Variants in GPR107 observed in about 807,000 individuals in gnomAD.
GPR107 encodes the protein G protein-coupled receptor 107.
Under a neutral mutation model 75.5 loss-of-function variants are expected in GPR107, and 31 were observed. The ratio of observed to expected loss-of-function variants is 0.41; its 90% CI spans 0.31 to 0.55. The LOEUF (loss-of-function observed/expected upper bound fraction) is 0.55. GPR107 is among the 20% of genes least tolerant of loss of function. The pLI is 0.26. For missense variants in GPR107, 572 were observed against 665.7 expected (o/e 0.86, Z 1.55); for synonymous variants, 267 against 251.3 (o/e 1.06, Z -0.59).
At position 130,099,486 on chromosome 9, in the gene GPR107, TG is replaced by T; in HGVS notation, c.895del (p.Ala299ArgfsTer37). On this transcript the variant is annotated frameshift_variant, in exon 10 of 18. Coordinates refer to ENST00000347136, the MANE Select transcript of GPR107 (RefSeq NM_020960.5). LOFTEE classifies it high-confidence loss of function. ...RNDVFKIHWLMAALPFTKSLS... is the reference protein window; with the variant it reads ...RNDVFKIHWLXAALPFTKSLS... ...GATGTATTTAAAATCCACTGGCTGA[TG>T]GCGGCCCTTCCTTTCACCAAGTCTC... 1 of 1,603,204 alleles carries T rather than the reference TG, an allele frequency of 6.2e-7. No individual in the cohort carries two copies. The highest frequency in any genetic ancestry group is 8.5e-7 in the Non-Finnish European group (1 of 1,170,110).
chr9:130,089,778 C>T (rs1830691882), intron 7 of GPR107, among the ~76,000 whole-genome samples: 1 of 152,188 alleles, frequency 6.6e-6, no homozygotes, highest in African/African-American at 2.4e-5. Context: ...TTCACATTCA[C>T]CATTGAGTTT....
intron 15 of GPR107, 27 bp downstream of exon 15, chr9:130,124,991 ATCTAT>A: frequency 2.4e-5 from 28 of 1,151,292 alleles, no homozygotes; most frequent in Non-Finnish European, 3.2e-5. Flanking sequence ...AAAATCCTCA[ATCTAT>A]AAATAAAATC....
intron 14 of GPR107, among the ~76,000 whole-genome samples, chr9:130,115,762 CAAAAAAAA>C (rs765306078): frequency 5.5e-5 from 5 of 90,180 alleles, no homozygotes; most frequent in African/African-American, 4.5e-5. Context: ...GACTCCGTCT[CAAAAAAAA>C]AAAAAAAAAA....
chr9:130,130,911 C>A (rs1289451320), intron 17 of GPR107, among the ~76,000 whole-genome samples: 1 of 150,958 alleles, frequency 6.6e-6, no homozygotes, highest in South Asian at 2.1e-4. Context: ...ATCCGTGGAC[C>A]ACTTAGGCCC....
chr9:130,072,223 ATT>A (rs1204270335), intron 1 of GPR107, among the ~76,000 whole-genome samples: 21 of 135,028 alleles, frequency 1.6e-4, no homozygotes, highest in African/African-American at 4.9e-4. Flanking sequence ...TATTTATTTA[ATT>A]TTTTTTTTTT....
chr9:130,070,005 TTTTTTTA>T (rs1324473426), intron 1 of GPR107, among the ~76,000 whole-genome samples: 1,011 of 27,198 alleles, frequency 0.037, 64 homozygotes, highest in African/African-American at 0.073. Flanking sequence ...TTTTTTTTTT[TTTTTTTA>T]AATTTTTTTG....
chr9:130,066,403 A>ATGG (rs1223921491), intron 1 of GPR107, among the ~76,000 whole-genome samples: 3 of 25,994 alleles, frequency 1.2e-4, no homozygotes, highest in East Asian at 6.8e-3. Context: ...GATGATGGTG[A>ATGG]TGATGACGAC....
chr9:130,064,267 G>A (rs112194646), intron 1 of GPR107, among the ~76,000 whole-genome samples: 1 of 129,640 alleles, frequency 7.7e-6, no homozygotes. Context: ...GCGCAATCTC[G>A]GCTCACTGCA....
chr9:130,071,201 T>A (rs1422488107), intron 1 of GPR107, among the ~76,000 whole-genome samples: 1 of 151,022 alleles, frequency 6.6e-6, no homozygotes, highest in East Asian at 1.9e-4. Flanking sequence ...ATTTTTTTTT[T>A]TTTTTTTGCT....
At chr9:130,090,203 C>G (rs567661318) in intron 7 of GPR107, among the ~76,000 whole-genome samples, 6 of 152,226 alleles carry the variant, frequency 3.9e-5, no homozygotes, top group South Asian at 2.1e-4. Flanking sequence ...TAGGCTTGAC[C>G]AAGAAGTCAT....
chr9:130,082,073 A>T (rs1003620136), intron 5 of GPR107, among the ~76,000 whole-genome samples: 1 of 151,814 alleles, frequency 6.6e-6, no homozygotes, highest in Non-Finnish European at 1.5e-5. Context: ...GAGGTGCCAC[A>T]CTCTTTTAAA....
At chr9:130,116,104 A>C (rs999705238) in intron 14 of GPR107, among the ~76,000 whole-genome samples, 3 of 152,184 alleles carry the variant, frequency 2.0e-5, no homozygotes, top group African/African-American at 4.8e-5. Context: ...CTACATCCAA[A>C]AGCAGAGGTC....
In GPR107 at chr9:130,132,524, C is replaced by T. The variant is rs181826181; in HGVS notation, c.1563-2501C>T. On this transcript the variant is annotated intron_variant, in intron 17 of 17. Coordinates refer to ENST00000347136, the MANE Select transcript of GPR107 (RefSeq NM_020960.5). ...GCCGTAGGCCAGGTGCAGTGGCTCA[C>T]GCCTGTAATCCCAGCACTTTGGGAG... 2.8e-4 allele frequency among the ~76,000 whole-genome samples: 42 copies of T among 152,328 alleles called. No individual in the cohort carries two copies. In the East Asian group the frequency reaches 6.0e-3, roughly 22 times the overall value.
chr9:130,097,284 A>G (rs1351335851), intron 9 of GPR107, among the ~76,000 whole-genome samples: 1 of 150,298 alleles, frequency 6.7e-6, no homozygotes, highest in African/African-American at 2.5e-5. Flanking sequence ...CCTCCTGAGT[A>G]GCTGGGACTA....
chr9:130,057,086 G>A (rs992874945), intron 1 of GPR107, among the ~76,000 whole-genome samples: 5 of 152,000 alleles, frequency 3.3e-5, no homozygotes, highest in African/African-American at 1.2e-4. Context: ...AGCAACTTTA[G>A]ATTGTCTGTT....
intron 13 of GPR107, among the ~76,000 whole-genome samples, chr9:130,106,225 A>G (rs1831151340): frequency 6.6e-6 from 1 of 152,184 alleles, no homozygotes; most frequent in Non-Finnish European, 1.5e-5. Context: ...CCAAATGGCA[A>G]AATTCCTTAA....
chr9:130,127,279 GGA>G (rs1589531985), intron 15 of GPR107, among the ~76,000 whole-genome samples: 3 of 152,168 alleles, frequency 2.0e-5, no homozygotes. Context: ...TTGGTCACCT[GGA>G]GAGAGAGAAG....
rs1831095571 is a variant in GPR107, at chr9:130,103,807, C to G, written c.1132-613C>G. Among the ~76,000 whole-genome samples, 1 of 152,232 alleles carries G rather than the reference C, an allele frequency of 6.6e-6. No homozygotes were observed. The highest frequency in any genetic ancestry group is 2.4e-5 in the African/African-American group (1 of 41,450). On this transcript the variant is annotated intron_variant, in intron 12 of 17. Transcript: ENST00000347136. The surrounding 1 kb of genome is among the most constrained non-coding windows in gnomAD (Gnocchi z 4.3). ...CTGAAAAGCAAAGTGTCCCTGTTATCTACTGCTGCATAACAAATCACCCCA... is the reference window on the plus strand; with the variant it reads ...CTGAAAAGCAAAGTGTCCCTGTTATGTACTGCTGCATAACAAATCACCCCA...
At chr9:130,094,633 A>T (rs1485956351) in intron 9 of GPR107, among the ~76,000 whole-genome samples, 1 of 152,002 alleles carries the variant, frequency 6.6e-6, no homozygotes, top group African/African-American at 2.4e-5. Flanking sequence ...TTAGGCCATT[A>T]AAGTTTTTGG....
Sources: gnomAD v4.1 joint callset for allele counts (sites outside exome capture counted in the v4.1 genomes callset) on GRCh38, gnomAD v4.1.1 for gene constraint, Gnocchi (gnomAD v3.1) non-coding constraint, MANE v1.5 for transcripts, NCBI Gene and HGNC (gene_info 2026-07-23, HGNC 2026-07-21) for gene names.